Variants in SORBS2 observed in about 807,000 individuals in gnomAD.
The protein encoded by SORBS2 is sorbin and SH3 domain-containing protein 2.
A neutral mutation model predicts 97.7 loss-of-function variants in SORBS2; 46 were observed. The observed-to-expected ratio is 0.47, with a 90% CI of 0.37 to 0.60. The LOEUF (loss-of-function observed/expected upper bound fraction) is 0.60, where lower values mean the gene tolerates loss of function less well. SORBS2 is among the 20% of genes least tolerant of loss of function. SORBS2 has a pLI of 0.00. For missense variants in SORBS2, 1,316 were observed against 1,282.3 expected (o/e 1.03, Z -0.40); for synonymous variants, 476 against 473.4 (o/e 1.01, Z -0.07).
At chr4:185,633,968 G>A (rs900204314) in intron 4 of SORBS2, among the ~76,000 whole-genome samples, 6 of 152,172 alleles carry the variant, frequency 3.9e-5, no homozygotes, top group Middle Eastern at 3.4e-3. Context: ...GACTCTTTCT[G>A]CAGATATTAA....
intron 1 of SORBS2, among the ~76,000 whole-genome samples, chr4:185,953,501 C>T (rs1322335190): frequency 6.6e-6 from 1 of 152,182 alleles, no homozygotes; most frequent in East Asian, 1.9e-4. Flanking sequence ...CAAGGTGGGA[C>T]CCTGTGTTAA....
chr4:185,618,741 A>AT (rs2096664814), intron 8 of SORBS2, 110 bp from the exon 21 acceptor site: 1 of 556,614 alleles, frequency 1.8e-6, no homozygotes, highest in Non-Finnish European at 3.2e-6. Flanking sequence ...CATCAAACAT[A>AT]TGTAATGTTA....
At chr4:185,649,408 A>G (rs1033903952) in intron 3 of SORBS2, 59 bp downstream of exon 12, 1 of 1,370,106 alleles carries the variant, frequency 7.3e-7, no homozygotes, top group Non-Finnish European at 9.8e-7. Flanking sequence ...ACTGAATGCC[A>G]TGTAGACTTA....
intron 1 of SORBS2, among the ~76,000 whole-genome samples, chr4:185,829,326 C>T (rs1275425652): frequency 2.0e-5 from 3 of 152,282 alleles, no homozygotes; most frequent in Admixed American, 1.3e-4. Context: ...TGTACTAATG[C>T]AGCTGGCTTT....
At chr4:185,943,525 A>G (rs1324683906) in intron 1 of SORBS2, among the ~76,000 whole-genome samples, 2 of 152,228 alleles carry the variant, frequency 1.3e-5, no homozygotes, top group African/African-American at 4.8e-5. Flanking sequence ...CATCATTACA[A>G]TAAAGCAATC....
chr4:185,711,665 C>T (rs1458164578), intron 2 of SORBS2, among the ~76,000 whole-genome samples: 3 of 152,174 alleles, frequency 2.0e-5, no homozygotes, highest in Non-Finnish European at 2.9e-5. Flanking sequence ...AAATTCCCAA[C>T]ATATGTTGGG....
At chr4:185,645,518 T>C (rs567071794) in intron 4 of SORBS2, 9 of 152,312 alleles carry the variant, frequency 5.9e-5, no homozygotes, top group Admixed American at 2.0e-4. Flanking sequence ...GATAAGGTTT[T>C]GAACATGCTT....
chr4:185,634,256 G>A (rs1412139867), intron 4 of SORBS2, among the ~76,000 whole-genome samples: 5 of 152,124 alleles, frequency 3.3e-5, no homozygotes, highest in African/African-American at 4.8e-5. Context: ...CTCTATACCT[G>A]CAATTCCAGT....
rs968815057 is a variant in SORBS2, at chr4:185,587,451, G to A, written c.*176C>T. On this transcript the variant is annotated 3_prime_UTR_variant, in exon 15 of 15. Transcript: ENST00000418609. Reference sequence around the variant, plus strand: ...CGGAGGGGGACCAGCCTGCCATGTCGTCCCCAGGCTCACAGCAGCGGCGGC... The same window carrying A: ...CGGAGGGGGACCAGCCTGCCATGTCATCCCCAGGCTCACAGCAGCGGCGGC... 8 of 611,970 alleles carry A rather than the reference G, an allele frequency of 1.3e-5. No individual in the cohort carries two copies. The Admixed American group carries it at 2.1e-4, about 16-fold the overall frequency. The allele number at this position is 611,970 out of a possible 1,614,324, so 37.9% of individuals were successfully genotyped here. A position where few individuals can be genotyped will look rare whatever the true frequency, so the allele number is the denominator to read the frequency against.
rs1046944319 is a variant in SORBS2 at position 185,638,249 on chromosome 4, G to A, written c.397-7651C>T. 51 of 798,386 alleles carry A rather than the reference G, an allele frequency of 6.4e-5. No individual in the cohort carries two copies. The East Asian group carries it at 1.1e-3, about 17-fold the overall frequency. The allele number at this position is 798,386 out of a possible 1,614,324, so 49.5% of individuals were successfully genotyped here. ...TGTGTGGCATGAAAAACTCACGCGC[G>A]CATTGACACGCAAACATGCATCAAC... is the stretch of plus-strand genomic sequence containing the variant. On this transcript the variant is annotated intron_variant, in intron 4 of 14. Coordinates refer to ENST00000418609, the Ensembl canonical transcript of SORBS2.
At chr4:185,613,646 C>A (rs1330423809) in intron 11 of SORBS2, among the ~76,000 whole-genome samples, 137 of 85,762 alleles carry the variant, frequency 1.6e-3, no homozygotes, top group East Asian at 6.4e-3. Flanking sequence ...CACTCCATCT[C>A]AAAAAAAAAA....
intron 1 of SORBS2, among the ~76,000 whole-genome samples, chr4:185,938,258 A>G (rs973506446): frequency 6.6e-6 from 1 of 152,054 alleles, no homozygotes; most frequent in African/African-American, 2.4e-5. Context: ...TCGGCCTCCC[A>G]AAGTGCTGAG....
At chr4:185,771,357 C>T (rs1027948761) in intron 2 of SORBS2, 15 of 152,150 alleles carry the variant, frequency 9.9e-5, no homozygotes, top group African/African-American at 3.6e-4. Flanking sequence ...CTCCTTATAC[C>T]TTGATATGGT....
At chr4:185,821,190 A>C (rs1438863371) in intron 1 of SORBS2, among the ~76,000 whole-genome samples, 1 of 152,200 alleles carries the variant, frequency 6.6e-6, no homozygotes, top group Non-Finnish European at 1.5e-5. Flanking sequence ...CACGCGAGCT[A>C]AGTGGCTGAA....
chr4:185,642,041 T>C (rs1031048676), intron 4 of SORBS2, among the ~76,000 whole-genome samples: 2 of 152,220 alleles, frequency 1.3e-5, no homozygotes, highest in African/African-American at 4.8e-5. Context: ...GCTATTTTGT[T>C]TTTCAAATTA....
At chr4:185,608,938 A>G (rs1201031691) in intron 12 of SORBS2, among the ~76,000 whole-genome samples, 2 of 151,968 alleles carry the variant, frequency 1.3e-5, no homozygotes, top group Non-Finnish European at 1.5e-5. Context: ...TGCATTTCCT[A>G]CTTAACTTTT....
rs757538970 is a variant in SORBS2, at chr4:185,649,519, C to T, written c.229G>A (p.Val77Ile). 7 of 1,602,732 alleles carry T rather than the reference C, an allele frequency of 4.4e-6. No homozygotes were observed. In the South Asian group the frequency reaches 5.6e-5, roughly 13 times the overall value. Residue 77 changes from valine to isoleucine, a missense_variant, in exon 3 of 15, where the codon GTT becomes ATT. Coordinates refer to ENST00000418609, the Ensembl canonical transcript of SORBS2. Reference sequence around the variant, plus strand: ...CGAAGCGGCGGGACTGGAGGTGGAACATGTGGGGGAGGCACTGGGGAGGAC... The same window carrying T: ...CGAAGCGGCGGGACTGGAGGTGGAATATGTGGGGGAGGCACTGGGGAGGAC...
rs540232839 is a variant in SORBS2, at chr4:185,606,326, C to T, written c.2796+5454G>A. On this transcript the variant is annotated intron_variant, in intron 12 of 14. Coordinates refer to ENST00000418609, the Ensembl canonical transcript of SORBS2. The surrounding 1 kb of genome is among the most constrained non-coding windows in gnomAD (Gnocchi z 4.3). ...TATTGGAAGATTACAAAGACTATAT[C>T]AATTACAAAGACTTTTACAATATAA... 2,147 of 972,838 alleles carry T rather than the reference C, an allele frequency of 2.2e-3. No homozygotes were observed. Among genetic ancestry groups the T allele is most frequent in the Admixed American group, 4.6e-3 (75 of 16,264 alleles). The allele number at this position is 972,838 out of a possible 1,614,324, so 60.3% of individuals were successfully genotyped here.
chr4:185,636,837 C>T (rs1399606618), intron 4 of SORBS2, among the ~76,000 whole-genome samples: 1 of 152,004 alleles, frequency 6.6e-6, no homozygotes, highest in Admixed American at 6.6e-5. Context: ...TTAGCAGAGA[C>T]GGGGTTTCAC....
Sources: allele counts gnomAD v4.1 joint callset (sites outside exome capture counted in the v4.1 genomes callset), GRCh38; gene constraint gnomAD v4.1.1; non-coding constraint Gnocchi (gnomAD v3.1); transcripts MANE v1.5; gene names NCBI Gene and HGNC (gene_info 2026-07-23, HGNC 2026-07-21).